TBXAS1: variants seen among roughly 807,000 people sequenced by gnomAD.
TBXAS1 encodes thromboxane A synthase 1, also known as thromboxane-A synthase.
In TBXAS1, 48 loss-of-function variants were observed where a neutral mutation model predicts 60.7. That is an observed-to-expected ratio of 0.79 (90% CI 0.63 to 1.01). The LOEUF (loss-of-function observed/expected upper bound fraction) is 1.01, where lower values mean the gene tolerates loss of function less well. Among genes scored for constraint, TBXAS1 ranks in the 50% least tolerant of loss-of-function variants. The pLI, the probability that TBXAS1 is intolerant of heterozygous loss-of-function variation, is 0.00. For synonymous variants in TBXAS1, 287 were observed against 269.7 expected (o/e 1.06, Z -0.63); for missense variants, 685 against 686.3 (o/e 1.00, Z 0.02).
intron 2 of TBXAS1, 66 bp downstream of exon 2, chr7:139,872,394 G>T: frequency 1.3e-6 from 2 of 1,508,898 alleles, no homozygotes; most frequent in Non-Finnish European, 1.8e-6. Context: ...GTGGCTCATG[G>T]CTGTAATCCC....
At chr7:139,978,673 C>T (rs1811737223) in intron 9 of TBXAS1, among the ~76,000 whole-genome samples, 1 of 150,778 alleles carries the variant, frequency 6.6e-6, no homozygotes, top group African/African-American at 2.4e-5. Context: ...CGCAGTGGTT[C>T]ACACCTGCAA....
intron 3 of TBXAS1, among the ~76,000 whole-genome samples, chr7:139,902,663 G>A (rs1013859890): frequency 1.3e-5 from 2 of 152,170 alleles, no homozygotes; most frequent in African/African-American, 2.4e-5. Flanking sequence ...GCATAAGTAT[G>A]TGGTTAGTTT....
At chr7:139,868,710 G>A (rs1017425558) in intron 1 of TBXAS1, among the ~76,000 whole-genome samples, 8 of 146,932 alleles carry the variant, frequency 5.4e-5, no homozygotes, top group East Asian at 4.0e-4. Context: ...CAGCTGGAGC[G>A]CAGTGGCACA....
intron 1 of TBXAS1, among the ~76,000 whole-genome samples, chr7:139,861,997 A>G (rs1274719096): frequency 6.6e-6 from 1 of 152,196 alleles, no homozygotes; most frequent in Non-Finnish European, 1.5e-5. Flanking sequence ...CCATTATGCA[A>G]TCTACTGTGT....
intron 1 of TBXAS1, among the ~76,000 whole-genome samples, chr7:139,870,425 C>T (rs552987037): frequency 2.0e-5 from 3 of 152,184 alleles, no homozygotes; most frequent in Admixed American, 6.5e-5. Flanking sequence ...AACATAGACA[C>T]GAATTTGAGG....
At chr7:139,868,934 C>T (rs972827070) in intron 1 of TBXAS1, among the ~76,000 whole-genome samples, 2 of 151,396 alleles carry the variant, frequency 1.3e-5, no homozygotes, top group Admixed American at 6.6e-5. Flanking sequence ...ATTACAGGCA[C>T]GAGCCACCAC....
chr7:139,866,252 A>G (rs73734125), intron 1 of TBXAS1, among the ~76,000 whole-genome samples: 3,724 of 152,332 alleles, frequency 0.024, 105 homozygotes, highest in African/African-American at 0.065. Flanking sequence ...ACCTCTGCGC[A>G]GAAATGCTAA....
rs751328158 is a variant in TBXAS1, at chr7:139,955,626, C to CG, written c.688+23dup. 1 of 1,613,514 alleles carries CG rather than the reference C, an allele frequency of 6.2e-7. No individual in the cohort carries two copies. The highest frequency in any genetic ancestry group is 1.1e-5 in the South Asian group (1 of 91,086). On this transcript the variant is annotated intron_variant, in intron 7 of 12. Transcript: ENST00000448866. ...TTACTCTGTAAGTGCGGCTGCAGCC[C>CG]GGGGCGCTGCGATGACTCCAGCAAG...
chr7:140,010,584 T>C (rs560530131), intron 10 of TBXAS1, among the ~76,000 whole-genome samples: 1 of 152,352 alleles, frequency 6.6e-6, no homozygotes, highest in Admixed American at 6.5e-5. Context: ...CAGCTTCATC[T>C]GACCCCTTTG....
At chr7:139,802,830 A>G (rs1253581547) in intron 4 of TBXAS1, among the ~76,000 whole-genome samples, 9 of 152,092 alleles carry the variant, frequency 5.9e-5, no homozygotes, top group Non-Finnish European at 1.2e-4. Flanking sequence ...GAAAGAAGAA[A>G]GAAGAAGGTG....
intron 9 of TBXAS1, among the ~76,000 whole-genome samples, chr7:140,002,430 C>A (rs1813736952): frequency 6.6e-6 from 1 of 152,254 alleles, no homozygotes; most frequent in South Asian, 2.1e-4. Context: ...AAGGTCCTTT[C>A]CCGGGACGGG....
Position 139,999,008 on chromosome 7 carries a change from A to G in TBXAS1, c.1135-8083A>G, listed in dbSNP as rs1282187664. 2.0e-5 allele frequency among the ~76,000 whole-genome samples: 3 copies of G among 152,254 alleles called. No individual in the cohort carries two copies. Among genetic ancestry groups the G allele is most frequent in the Non-Finnish European group, 4.4e-5 (3 of 68,036 alleles). ...ATGAATTTCAACATCTAAATCTGCC[A>G]AATTATTGAAGCTAGCACAGAGAAC... On this transcript the variant is annotated intron_variant, in intron 9 of 12. Transcript: ENST00000448866. This position sits in a 1 kb window ranked among gnomAD's most constrained non-coding sequence, Gnocchi z 4.3.
In TBXAS1 at chr7:140,012,899, C is replaced by T. The variant is rs530616839; in HGVS notation, c.1227-2824C>T. ...TGCATGTAGGTCTGAAGAGTGACAG[C>T]ACGTTTGTTTAACAGGAACTCAAAG... On this transcript the variant is annotated intron_variant, in intron 10 of 12. Transcript: ENST00000448866. Among the ~76,000 whole-genome samples, 4 of 152,228 alleles carry T rather than the reference C, an allele frequency of 2.6e-5. No homozygotes were observed. In the South Asian group the frequency reaches 6.2e-4, roughly 24 times the overall value.
At position 139,962,102 on chromosome 7, in the gene TBXAS1, G is replaced by A. The variant is rs760178652; in HGVS notation, c.1003G>A (p.Ala335Thr). Residue 335 changes from alanine to threonine, a missense_variant, in exon 9 of 13, where the codon GCC (alanine) becomes ACC (threonine). Transcript: ENST00000448866. ...GACTGTGGATGAGATTGTGGGCCAG[G>A]CCTTCATCTTCCTCATCGCTGGCTA... ...PLTVDEIVGQ[A>T]FIFLIAGYEI... The A allele has an allele frequency of 1.9e-6, 3 of 1,614,174 alleles. No individual in the cohort carries two copies. The highest frequency in any genetic ancestry group is 1.1e-5 in the South Asian group (1 of 91,088).
chr7:139,996,103 G>C (rs1332137480), intron 9 of TBXAS1, among the ~76,000 whole-genome samples: 3 of 151,650 alleles, frequency 2.0e-5, no homozygotes, highest in Non-Finnish European at 4.4e-5. Context: ...CGAGTAGCTG[G>C]GATTACAGGT....
At chr7:139,914,318 T>C (rs568290951) in intron 4 of TBXAS1, among the ~76,000 whole-genome samples, 1 of 152,268 alleles carries the variant, frequency 6.6e-6, no homozygotes, top group South Asian at 2.1e-4. Flanking sequence ...ATTATAGCCC[T>C]GAGCCACTGT....
At chr7:139,864,546 T>C (rs890158493) in intron 1 of TBXAS1, among the ~76,000 whole-genome samples, 1 of 151,928 alleles carries the variant, frequency 6.6e-6, no homozygotes, top group Non-Finnish European at 1.5e-5. Flanking sequence ...AAATGTATTA[T>C]ATGGTAAAAG....
At chr7:139,805,079 A>G (rs1025519550) in intron 4 of TBXAS1, among the ~76,000 whole-genome samples, 3 of 152,254 alleles carry the variant, frequency 2.0e-5, no homozygotes, top group African/African-American at 7.2e-5. Context: ...GTGATCCATC[A>G]GGCAGATGGG....
chr7:139,864,206 T>C (rs1302645538), intron 1 of TBXAS1, among the ~76,000 whole-genome samples: 1 of 149,420 alleles, frequency 6.7e-6, no homozygotes, highest in Non-Finnish European at 1.5e-5. Context: ...ATAAAACTAA[T>C]TAGAAAGTCC....
Sources: allele counts gnomAD v4.1 joint callset (sites outside exome capture counted in the v4.1 genomes callset), GRCh38; gene constraint gnomAD v4.1.1; non-coding constraint Gnocchi (gnomAD v3.1); transcripts MANE v1.5; gene names NCBI Gene and HGNC (gene_info 2026-07-23, HGNC 2026-07-21).